SLC4A8: variants seen among roughly 807,000 people sequenced by gnomAD.
SLC4A8 encodes the protein electroneutral sodium bicarbonate exchanger 1.
SLC4A8 carries 40 observed loss-of-function variants against 125.0 expected under a neutral mutation model. The observed-to-expected ratio is 0.32, with a 90% CI of 0.25 to 0.42. The LOEUF (loss-of-function observed/expected upper bound fraction) is 0.42. SLC4A8 is among the 10% of genes least tolerant of loss of function. The probability of loss-of-function intolerance (pLI) is 1.00; values close to 1 mark genes in which losing one functional copy is unlikely to be tolerated. For missense variants in SLC4A8, 863 were observed against 1,355.1 expected (o/e 0.64, Z 5.70); for synonymous variants, 456 against 476.0 (o/e 0.96, Z 0.55).
At chr12:51,426,730 A>G (rs1341989033) in intron 1 of SLC4A8, among the ~76,000 whole-genome samples, 5 of 152,038 alleles carry the variant, frequency 3.3e-5, no homozygotes, top group Non-Finnish European at 7.4e-5. Flanking sequence ...GGGGAATGGT[A>G]TATGAGATGT....
Position 51,480,331 on chromosome 12 carries a change from T to C in SLC4A8, c.2172+5125T>C, listed in dbSNP as rs532898083. On this transcript the variant is annotated intron_variant, in intron 16 of 24. Coordinates refer to ENST00000453097, the MANE Select transcript of SLC4A8 (RefSeq NM_001039960.3). ...GTATTTATATGTATGTCTTATTATATACAAGGCAGATTTCCCTGGAATAAA... is the reference window on the plus strand; with the variant it reads ...GTATTTATATGTATGTCTTATTATACACAAGGCAGATTTCCCTGGAATAAA... 5.9e-6 allele frequency: 7 copies of C among 1,187,022 alleles called. No homozygotes were observed. In the East Asian group the frequency reaches 4.3e-4, roughly 73 times the overall value. 73.5% of individuals were successfully genotyped at this position (1,187,022 alleles called of 1,614,324 possible). A position where few individuals can be genotyped will look rare whatever the true frequency, so the allele number is the denominator to read the frequency against.
chr12:51,434,845 A>G lies in SLC4A8; in HGVS notation c.49-5863A>G, dbSNP rs138428375. 2.8e-3 allele frequency among the ~76,000 whole-genome samples: 425 copies of G among 152,302 alleles called. 1 individual carries two copies. Among genetic ancestry groups the G allele is most frequent in the African/African-American group, 9.6e-3 (399 of 41,572 alleles). The stretch of plus-strand genomic sequence containing the variant: ...TGAATAATTATTCATATATCTAATT[A>G]TTTATTTATATAGTTTTATGAGAAA... On this transcript the variant is annotated intron_variant, in intron 1 of 24. Coordinates refer to ENST00000453097, the MANE Select transcript of SLC4A8 (RefSeq NM_001039960.3).
intron 5 of SLC4A8, 97 bp from the exon 6 acceptor site, chr12:51,457,254 C>G: frequency 1.1e-6 from 1 of 944,664 alleles, no homozygotes; most frequent in South Asian, 1.7e-5. Context: ...AGCTGCTTCC[C>G]CCTACTCCAT....
intron 16 of SLC4A8, among the ~76,000 whole-genome samples, chr12:51,485,480 T>C (rs1253370837): frequency 6.6e-6 from 1 of 152,074 alleles, no homozygotes; most frequent in Non-Finnish European, 1.5e-5. Flanking sequence ...CCTTGGCTGA[T>C]CCCAGAAAAT....
intron 2 of SLC4A8, 42 bp from the exon 3 acceptor site, chr12:51,450,834 A>G (rs947709037): frequency 7.9e-5 from 127 of 1,608,564 alleles, no homozygotes; most frequent in Non-Finnish European, 9.7e-5. Context: ...TGTTTTTTAA[A>G]ACTAAAGGAG....
At chr12:51,409,920 A>G (rs1948563223) in intron 1 of SLC4A8, among the ~76,000 whole-genome samples, 1 of 152,228 alleles carries the variant, frequency 6.6e-6, no homozygotes, top group Non-Finnish European at 1.5e-5. Context: ...AAAATGTGGT[A>G]TGGGAAATAC....
chr12:51,491,632 G>A (rs1051849251), intron 19 of SLC4A8, among the ~76,000 whole-genome samples: 2 of 152,076 alleles, frequency 1.3e-5, no homozygotes, highest in Middle Eastern at 3.2e-3. Flanking sequence ...AAAAGCAGAA[G>A]CTGACCATGA....
intron 16 of SLC4A8, among the ~76,000 whole-genome samples, chr12:51,484,283 G>A (rs1951106183): frequency 6.6e-6 from 1 of 152,168 alleles, no homozygotes; most frequent in Non-Finnish European, 1.5e-5. Flanking sequence ...GTTCTGTACT[G>A]ACTACTTGCT....
intron 17 of SLC4A8, 29 bp downstream of exon 17, chr12:51,485,929 C>T (rs1326325994): frequency 7.9e-7 from 1 of 1,271,238 alleles, no homozygotes; most frequent in Non-Finnish European, 1.2e-6. Flanking sequence ...ACTTGGTGCA[C>T]TCATGTAATT....
intron 1 of SLC4A8, among the ~76,000 whole-genome samples, chr12:51,397,182 C>T (rs567979191): frequency 1.3e-5 from 2 of 152,124 alleles, no homozygotes; most frequent in Non-Finnish European, 2.9e-5. Context: ...CCCACCTCGG[C>T]CTCCCAAAGT....
intron 1 of SLC4A8, among the ~76,000 whole-genome samples, chr12:51,405,290 G>A (rs1315795779): frequency 6.6e-6 from 1 of 152,220 alleles, no homozygotes; most frequent in Admixed American, 6.5e-5. Flanking sequence ...GTGATCCCAA[G>A]AATAGAGAGG....
At chr12:51,479,186 A>G (rs1312539766) in intron 16 of SLC4A8, among the ~76,000 whole-genome samples, 1 of 152,110 alleles carries the variant, frequency 6.6e-6, no homozygotes, top group African/African-American at 2.4e-5. Flanking sequence ...ATTACCTTCT[A>G]ATGTTGAGTT....
At chr12:51,495,239 A>G in intron 21 of SLC4A8, 121 bp downstream of exon 21, 2 of 801,556 alleles carry the variant, frequency 2.5e-6, no homozygotes, top group Non-Finnish European at 1.9e-6. Context: ...GTACATTCAC[A>G]TTGCTGTGGA....
At chr12:51,397,774 A>G (rs746841450) in intron 1 of SLC4A8, among the ~76,000 whole-genome samples, 4 of 152,108 alleles carry the variant, frequency 2.6e-5, no homozygotes, top group Non-Finnish European at 5.9e-5. Flanking sequence ...TCTTAAATTG[A>G]TGGTGTTATA....
intron 5 of SLC4A8, among the ~76,000 whole-genome samples, chr12:51,455,378 CA>C (rs1446887590): frequency 1.1e-4 from 17 of 151,872 alleles, no homozygotes; most frequent in African/African-American, 3.9e-4. Flanking sequence ...AGTGCAACGA[CA>C]GAGACATGCT....
intron 1 of SLC4A8, among the ~76,000 whole-genome samples, chr12:51,398,515 C>T (rs1565747823): frequency 6.6e-6 from 1 of 152,160 alleles, no homozygotes; most frequent in East Asian, 1.9e-4. Context: ...TAAGATTTTG[C>T]TGTGAGAGCT....
chr12:51,411,319 G>A, intron 1 of SLC4A8, among the ~76,000 whole-genome samples: 1 of 152,060 alleles, frequency 6.6e-6, no homozygotes, highest in East Asian at 1.9e-4. Context: ...TGGGTGCAGT[G>A]GCTCACACCT....
At chr12:51,479,666 G>A (rs1950961953) in intron 16 of SLC4A8, among the ~76,000 whole-genome samples, 1 of 136,944 alleles carries the variant, frequency 7.3e-6, no homozygotes, top group Non-Finnish European at 1.5e-5. Flanking sequence ...CTGGGCGACA[G>A]AGTGAGACTT....
Position 51,507,642 on chromosome 12 carries a change from C to T in SLC4A8, c.*204C>T. 2 of 431,940 alleles carry T rather than the reference C, an allele frequency of 4.6e-6. No homozygotes were observed. 26.8% of individuals were successfully genotyped at this position (431,940 alleles called of 1,614,324 possible). A position where few individuals can be genotyped will look rare whatever the true frequency, so the allele number is the denominator to read the frequency against. ...TATCCCCATACCAGCAGCCAGTCACCAGATGTGAATGTGGAAGCAGAAGAC... is the reference window on the plus strand; with the variant it reads ...TATCCCCATACCAGCAGCCAGTCACTAGATGTGAATGTGGAAGCAGAAGAC... On this transcript the variant is annotated 3_prime_UTR_variant, in exon 25 of 25. Transcript: ENST00000453097.
Sources: allele counts gnomAD v4.1 joint callset (sites outside exome capture counted in the v4.1 genomes callset), GRCh38; gene constraint gnomAD v4.1.1; transcripts MANE v1.5; gene names NCBI Gene and HGNC (gene_info 2026-07-23, HGNC 2026-07-21).